ZNF385D: variants seen among roughly 807,000 people sequenced by gnomAD.
ZNF385D encodes the protein zinc finger protein 659.
ZNF385D carries 15 observed loss-of-function variants against 35.8 expected under a neutral mutation model. That is an observed-to-expected ratio of 0.42 (90% confidence interval 0.28 to 0.64). The LOEUF (loss-of-function observed/expected upper bound fraction) is 0.64. ZNF385D is among the 30% of genes least tolerant of loss of function. The pLI is 0.23. For synonymous variants in ZNF385D, 212 were observed against 186.8 expected, an observed-to-expected ratio of 1.13 and a Z score of -1.10; for missense variants, 474 against 494.6, an observed-to-expected ratio of 0.96 and a Z score of 0.39.
intron 3 of ZNF385D, among the ~76,000 whole-genome samples, chr3:21,557,997 T>C (rs879388062): frequency 2.6e-5 from 4 of 152,206 alleles, no homozygotes; most frequent in Non-Finnish European, 5.9e-5. Flanking sequence ...TCAGTGGTGA[T>C]ACCCCTTTAT....
intron 4 of ZNF385D, among the ~76,000 whole-genome samples, chr3:21,477,952 A>G (rs879069384): frequency 6.6e-6 from 1 of 152,152 alleles, no homozygotes; most frequent in Admixed American, 6.6e-5. Context: ...CTATTACAAC[A>G]AAGTGGGAAG....
Position 22,204,311 on chromosome 3 carries a change from A to G in ZNF385D, c.107-35276T>C, listed in dbSNP as rs76289382. ...GGGCCTGGGGTGCCACCTAATGCAG[A>G]TAACAGCTGTAGTGACCAAGAACTT... On this transcript the variant is annotated intron_variant, in intron 2 of 5. Coordinates refer to the ZNF385D transcript ENST00000494108. 4.8e-3 allele frequency among the ~76,000 whole-genome samples: 731 copies of G among 152,200 alleles called. 10 individuals carry two copies. The highest frequency in any genetic ancestry group is 0.016 in the African/African-American group (682 of 41,550).
At chr3:21,754,457 C>G (rs913317658), upstream of ZNF385D, among the ~76,000 whole-genome samples, 19 of 152,156 alleles carry the variant, frequency 1.2e-4, no homozygotes, top group African/African-American at 4.6e-4. Context: ...ACTATTAAAA[C>G]AAAGGATGCC....
At chr3:22,208,431 C>T (rs1000835264) in intron 2 of ZNF385D, among the ~76,000 whole-genome samples, 9 of 151,250 alleles carry the variant, frequency 6.0e-5, no homozygotes, top group Non-Finnish European at 7.4e-5. Context: ...AGATGGTTAC[C>T]AGAGGCTGGC....
In ZNF385D at chr3:22,306,338, A is replaced by G. The variant is rs538594697; in HGVS notation, c.106+66112T>C. ...CCTTTCTCTGTCTTGTGGTTAAAAA[A>G]AGTCTTTTTTTTTTCTTTCCCAGAC... is the stretch of plus-strand genomic sequence containing the variant. On this transcript the variant is annotated intron_variant, in intron 2 of 5. Transcript: ENST00000494108. Among the ~76,000 whole-genome samples, 1,089 of 152,188 alleles carry G rather than the reference A, an allele frequency of 7.2e-3. 14 individuals carry two copies. Among genetic ancestry groups the G allele is most frequent in the African/African-American group, 0.024 (1,017 of 41,514 alleles).
rs141494032 is a variant in ZNF385D, at chr3:21,836,669, G to A, written c.326-171641C>T. 2.4e-3 allele frequency among the ~76,000 whole-genome samples: 370 copies of A among 152,080 alleles called. 1 individual carries two copies. Among genetic ancestry groups the A allele is most frequent in the Admixed American group, 8.0e-3 (122 of 15,246 alleles). On this transcript the variant is annotated intron_variant, in intron 3 of 5. Transcript: ENST00000494108. ...AAAGAAACCATAGTATGTAAACGAAGGAGCACAGCTGTGTTCTCATAAAAC... is the reference window on the plus strand; with the variant it reads ...AAAGAAACCATAGTATGTAAACGAAAGAGCACAGCTGTGTTCTCATAAAAC...
At chr3:21,871,739 C>T (rs868833215) in intron 3 of ZNF385D, among the ~76,000 whole-genome samples, 3 of 152,244 alleles carry the variant, frequency 2.0e-5, no homozygotes, top group Middle Eastern at 6.8e-3. Flanking sequence ...GGCGCAGTGG[C>T]TCACACCTTT....
intron 3 of ZNF385D, among the ~76,000 whole-genome samples, chr3:21,907,459 A>C (rs1450733733): frequency 6.6e-6 from 1 of 152,156 alleles, no homozygotes; most frequent in Non-Finnish European, 1.5e-5. Context: ...GGTAAACTGC[A>C]TTCCACTGTG....
At chr3:21,926,401 G>A (rs2125235505) in intron 3 of ZNF385D, among the ~76,000 whole-genome samples, 1 of 152,104 alleles carries the variant, frequency 6.6e-6, no homozygotes, top group African/African-American at 2.4e-5. Context: ...TTCTGTTCTT[G>A]TGTTTAGTTT....
rs537313628 is a variant in ZNF385D at position 21,623,696 on chromosome 3, C to T, written c.165+41190G>A. On this transcript the variant is annotated intron_variant, in intron 2 of 7. Transcript: ENST00000281523. ...ACAAAAAAACAAAAAACCACAATGT[C>T]TTTGTGTACACATGGTCCTTAAAAT... Among the ~76,000 whole-genome samples the T allele has an allele frequency of 2.0e-5, 3 of 152,138 alleles. No homozygotes were observed. The South Asian group carries it at 6.2e-4, about 32-fold the overall frequency.
rs372530021 is a variant in ZNF385D at position 21,917,708 on chromosome 3, GA to G, written c.325+251108del. 7.7e-4 allele frequency among the ~76,000 whole-genome samples: 117 copies of G among 152,112 alleles called. 1 individual carries two copies. The highest frequency in any genetic ancestry group is 5.8e-3 in the East Asian group (30 of 5,150). On this transcript the variant is annotated intron_variant, in intron 3 of 5. Transcript: ENST00000494108. ...ATGGATTCTTTTTATACTTTATTGG[GA>G]AAAAAATCATTAAAAACCATTCAAC...
chr3:22,077,939 A>T (rs1700548105), intron 3 of ZNF385D, among the ~76,000 whole-genome samples: 1 of 152,034 alleles, frequency 6.6e-6, no homozygotes, highest in Non-Finnish European at 1.5e-5. Context: ...ACTGTGGAGT[A>T]TCTGCACTGA....
chr3:21,954,644 C>T (rs1222080872), intron 3 of ZNF385D, among the ~76,000 whole-genome samples: 1 of 152,038 alleles, frequency 6.6e-6, no homozygotes, highest in Non-Finnish European at 1.5e-5. Context: ...TCAGTGGCAA[C>T]ATGATTCATT....
At chr3:22,127,252 C>T (rs1228429498) in intron 3 of ZNF385D, among the ~76,000 whole-genome samples, 2 of 147,390 alleles carry the variant, frequency 1.4e-5, no homozygotes, top group Non-Finnish European at 3.0e-5. Flanking sequence ...CACTTTCTTC[C>T]TTCCTTCTGT....
chr3:22,084,786 C>G (rs1002865813), intron 3 of ZNF385D, among the ~76,000 whole-genome samples: 6 of 152,168 alleles, frequency 3.9e-5, no homozygotes, highest in East Asian at 1.9e-4. Flanking sequence ...CTTCTCAGCA[C>G]CACATCACAG....
intron 3 of ZNF385D, among the ~76,000 whole-genome samples, chr3:21,949,978 C>A (rs924085984): frequency 2.6e-5 from 4 of 152,042 alleles, no homozygotes; most frequent in African/African-American, 9.7e-5. Context: ...TGGGTTGGTT[C>A]CAAGTCTTTA....
rs199895109 is a variant in ZNF385D at position 21,681,686 on chromosome 3, A to AT, written c.23-16659dup. On this transcript the variant is annotated intron_variant, in intron 1 of 7. Transcript: ENST00000281523. ...TCTAAAAGAATCCAGACTAAGAATGATAAAAAAAAACGAAAAAAAAAAAAC... is the reference window on the plus strand; with the variant it reads ...TCTAAAAGAATCCAGACTAAGAATGATTAAAAAAAAACGAAAAAAAAAAAAC... 3.4e-5 allele frequency among the ~76,000 whole-genome samples: 4 copies of AT among 119,322 alleles called. No individual in the cohort carries two copies. The East Asian group carries it at 7.0e-4, about 21-fold the overall frequency. 78.3% of individuals were successfully genotyped at this position (119,322 alleles called of 152,430 possible). A position where few individuals can be genotyped will look rare whatever the true frequency, so the allele number is the denominator to read the frequency against.
At chr3:22,312,608 T>G (rs966211312) in intron 2 of ZNF385D, among the ~76,000 whole-genome samples, 2 of 152,136 alleles carry the variant, frequency 1.3e-5, no homozygotes, top group African/African-American at 4.8e-5. Flanking sequence ...GAACAGACAC[T>G]TCTCAAAAGA....
chr3:21,728,694 C>G (rs2068866881), intron 1 of ZNF385D, among the ~76,000 whole-genome samples: 1 of 152,040 alleles, frequency 6.6e-6, no homozygotes, highest in African/African-American at 2.4e-5. Context: ...CAGGAGCTTC[C>G]CCAATGTACT....
Sources: allele counts gnomAD v4.1 joint callset (sites outside exome capture counted in the v4.1 genomes callset), GRCh38; gene constraint gnomAD v4.1.1; transcripts MANE v1.5; gene names NCBI Gene and HGNC (gene_info 2026-07-23, HGNC 2026-07-21).